The following SMAP2 variants were observed in gnomAD, a reference collection of about 807,000 sequenced individuals.
The protein encoded by SMAP2 is stromal membrane-associated protein 2.
SMAP2 carries 25 observed loss-of-function variants against 56.4 expected under a neutral mutation model. That is an observed-to-expected ratio of 0.44 (90% CI 0.32 to 0.62). The LOEUF is 0.62. Among genes scored for constraint, SMAP2 ranks in the 20% least tolerant of loss-of-function variants. The probability of loss-of-function intolerance (pLI) is 0.04; values close to 1 mark genes in which losing one functional copy is unlikely to be tolerated. For synonymous variants in SMAP2, 157 were observed against 181.7 expected, an observed-to-expected ratio of 0.86 and a Z score of 1.09; for missense variants, 388 against 545.6, an observed-to-expected ratio of 0.71 and a Z score of 2.88.
At chr1:40,357,858 G>A (rs1356670950) in intron 1 of SMAP2, among the ~76,000 whole-genome samples, 2 of 152,070 alleles carry the variant, frequency 1.3e-5, no homozygotes, top group African/African-American at 4.8e-5. Flanking sequence ...GTCAGGTAAT[G>A]TGATTACTCC....
chr1:40,416,470 AT>A lies in SMAP2; in HGVS notation c.847+130del. On this transcript the variant is annotated intron_variant, in intron 8 of 9. Coordinates refer to ENST00000372718, the MANE Select transcript of SMAP2 (RefSeq NM_022733.3). ...TGTCATACACCAAACAAACCTGAACATGACCAACGTATCAGCAGATGGAAAT... is the reference window on the plus strand; with the variant it reads ...TGTCATACACCAAACAAACCTGAACAGACCAACGTATCAGCAGATGGAAAT... 6.0e-6 allele frequency: 6 copies of A among 1,000,122 alleles called. No homozygotes were observed. In the South Asian group the frequency reaches 7.9e-5, roughly 13 times the overall value. The allele number at this position is 1,000,122 out of a possible 1,614,324, so 62.0% of individuals were successfully genotyped here.
At chr1:40,350,971 G>A (rs1444239380) in intron 1 of SMAP2, among the ~76,000 whole-genome samples, 1 of 152,220 alleles carries the variant, frequency 6.6e-6, no homozygotes, top group Non-Finnish European at 1.5e-5. Context: ...AGCCTCCAGA[G>A]TGGAGACTCT....
In SMAP2 at chr1:40,413,025, G is replaced by A. The variant is rs972194685; in HGVS notation, c.412G>A (p.Asp138Asn). Residue 138 changes from aspartate to asparagine, a missense_variant, in exon 5 of 10, where the codon GAT becomes AAT. Asp to Asn is a conservative substitution (Grantham distance 23). Transcript: ENST00000372718. ...LDINAFRKEK[D>N]DKWKRGSEPV... is the part of the protein sequence containing the mutation. The stretch of plus-strand genomic sequence containing the variant: ...TGTTAAATCATTATAGAAAGAAAAA[G>A]ATGACAAGTGGAAAAGAGGGAGCGA... 2 of 1,610,118 alleles carry A rather than the reference G, an allele frequency of 1.2e-6. No homozygotes were observed. The highest frequency in any genetic ancestry group is 2.7e-5 in the African/African-American group (2 of 74,448).
intron 1 of SMAP2, among the ~76,000 whole-genome samples, chr1:40,403,327 G>A (rs1343922477): frequency 3.9e-5 from 6 of 152,136 alleles, no homozygotes; most frequent in Non-Finnish European, 8.8e-5. Flanking sequence ...CCAACAAGGC[G>A]AAACCCCGTC....
chr1:40,374,085 G>A lies in SMAP2; in HGVS notation c.-36G>A. On this transcript the variant is annotated 5_prime_UTR_variant, in exon 1 of 10. Transcript: ENST00000372718. The surrounding 1 kb of genome is among the most constrained non-coding windows in gnomAD (Gnocchi z 5.9). ...GGCAGGGGTCTCTGGGGGCGAGGAG[G>A]GCGCGTCGCCCTCTGCCCCCGCCGG... 6.5e-7 allele frequency: 1 copy of A among 1,535,174 alleles called. No individual in the cohort carries two copies. Among genetic ancestry groups the A allele is most frequent in the Non-Finnish European group, 8.9e-7 (1 of 1,117,642 alleles).
chr1:40,384,754 G>A (rs2124244715), intron 1 of SMAP2, among the ~76,000 whole-genome samples: 1 of 152,238 alleles, frequency 6.6e-6, no homozygotes, highest in Middle Eastern at 3.4e-3. Flanking sequence ...TTTCCTCTTG[G>A]CAGGTGTTAC....
chr1:40,353,646 A>G (rs867508677), intron 1 of SMAP2, among the ~76,000 whole-genome samples: 103 of 152,300 alleles, frequency 6.8e-4, no homozygotes, highest in African/African-American at 2.4e-3. Flanking sequence ...CTGGGATTAC[A>G]GGTCACTGCA....
intron 1 of SMAP2, chr1:40,393,407 A>G (rs190678390): frequency 2.8e-4 from 437 of 1,535,514 alleles, no homozygotes; most frequent in Non-Finnish European, 3.5e-4. Context: ...TAGGAAGGAG[A>G]AAAGGCTTCA....
intron 2 of SMAP2, among the ~76,000 whole-genome samples, chr1:40,367,843 A>C (rs1224149884): frequency 7.7e-6 from 1 of 130,380 alleles, no homozygotes; most frequent in East Asian, 2.3e-4. Flanking sequence ...GGCAAGAAAT[A>C]ACTAAAATCA....
rs754479305 is a variant in SMAP2 at position 40,408,686 on chromosome 1, C to A, written c.271C>A (p.Arg91=). 3 of 1,613,910 alleles carry A rather than the reference C, an allele frequency of 1.9e-6. No individual in the cohort carries two copies. The highest frequency in any genetic ancestry group is 2.5e-6 in the Non-Finnish European group (3 of 1,179,852). ...MQEMGNGKAN[R]LYEAYLPETF... ...AGAGATGGGAAATGGAAAGGCAAAC[C>A]GACTTTATGAAGCCTATCTTCCTGA... The change falls in exon 3 of 10, where the codon CGA becomes AGA. Residue 91 remains arginine, a synonymous_variant. Transcript: ENST00000372718. This position sits in a 1 kb window ranked among gnomAD's most constrained non-coding sequence, Gnocchi z 4.3.
Position 40,402,534 on chromosome 1 carries a change from C to A in SMAP2, c.104-4202C>A, listed in dbSNP as rs145917077. On this transcript the variant is annotated intron_variant, in intron 1 of 9. Transcript: ENST00000372718. ...GTGTGATCTCGGCTCATTGCAACCT[C>A]TGACTCCTGGATTCAAGCAATTCTC... Among the ~76,000 whole-genome samples the A allele has an allele frequency of 3.4e-3, 515 of 151,804 alleles. 2 individuals are homozygous for A. The highest frequency in any genetic ancestry group is 4.3e-3 in the Non-Finnish European group (295 of 67,910).
intron 1 of SMAP2, among the ~76,000 whole-genome samples, chr1:40,381,778 A>G (rs558138566): frequency 6.6e-6 from 1 of 152,354 alleles, no homozygotes; most frequent in Admixed American, 6.5e-5. Flanking sequence ...GGTTATAAAT[A>G]TTGCAGGCAT....
chr1:40,387,865 C>T (rs1012476166), intron 1 of SMAP2, among the ~76,000 whole-genome samples: 2 of 147,102 alleles, frequency 1.4e-5, no homozygotes, highest in Admixed American at 6.8e-5. Flanking sequence ...GAGCCAGCTC[C>T]GGGAACCGGG....
At chr1:40,404,914 A>G (rs1426626997) in intron 1 of SMAP2, among the ~76,000 whole-genome samples, 1 of 152,196 alleles carries the variant, frequency 6.6e-6, no homozygotes, top group Non-Finnish European at 1.5e-5. Flanking sequence ...CGGACCAACT[A>G]TGTAAATCCA....
intron 7 of SMAP2, 135 bp from the exon 8 acceptor site, chr1:40,416,041 A>G: frequency 1.2e-6 from 1 of 826,350 alleles, no homozygotes; most frequent in Non-Finnish European, 1.9e-6. Flanking sequence ...TGAATGGTAA[A>G]AATGTTAGGA....
chr1:40,413,236 G>A, intron 5 of SMAP2, 134 bp downstream of exon 5: 1 of 700,140 alleles, frequency 1.4e-6, no homozygotes, highest in Non-Finnish European at 2.6e-6. Context: ...CATCTGGATT[G>A]GACTGCCTGC....
Position 40,374,318 on chromosome 1 carries a change from C to G in SMAP2, c.103+95C>G. 9.6e-7 allele frequency: 1 copy of G among 1,045,688 alleles called. No individual in the cohort carries two copies. The highest frequency in any genetic ancestry group is 1.4e-5 in the South Asian group (1 of 72,496). The allele number at this position is 1,045,688 out of a possible 1,614,324, so 64.8% of individuals were successfully genotyped here. On this transcript the variant is annotated intron_variant, in intron 1 of 9. Coordinates refer to ENST00000372718, the MANE Select transcript of SMAP2 (RefSeq NM_022733.3). The surrounding 1 kb of genome is among the most constrained non-coding windows in gnomAD (Gnocchi z 5.9). ...GGCGGTTTCTGAAGCTTAGGCCGCC[C>G]AACTCGGCTTATAAGTGGTAACGCG...
intron 1 of SMAP2, among the ~76,000 whole-genome samples, chr1:40,402,263 A>C (rs796302943): frequency 6.6e-5 from 10 of 152,368 alleles, no homozygotes; most frequent in African/African-American, 2.4e-4. Context: ...ATACATTCAC[A>C]TAATGTGTAA....
chr1:40,379,224 A>G (rs1313639648), intron 1 of SMAP2, among the ~76,000 whole-genome samples: 1 of 152,138 alleles, frequency 6.6e-6, no homozygotes, highest in Non-Finnish European at 1.5e-5. Context: ...CACCAACCTC[A>G]GCCTCCCAAA....
Sources: allele counts gnomAD v4.1 joint callset (sites outside exome capture counted in the v4.1 genomes callset), GRCh38; gene constraint gnomAD v4.1.1; non-coding constraint Gnocchi (gnomAD v3.1); transcripts MANE v1.5; gene names NCBI Gene and HGNC (gene_info 2026-07-23, HGNC 2026-07-21).